L3MBTL3: variants seen among roughly 807,000 people sequenced by gnomAD.
L3MBTL3 encodes the protein L3MBTL histone methyl-lysine binding protein 3, also known as lethal(3)malignant brain tumor-like protein 3.
A neutral mutation model predicts 102.3 loss-of-function variants in L3MBTL3; 27 were observed. The observed-to-expected ratio is 0.26, with a 90% CI of 0.19 to 0.36. The LOEUF is 0.36. Ranked by LOEUF, L3MBTL3 falls within the 10% of genes least tolerant of loss-of-function variation. The pLI is 1.00. For missense variants in L3MBTL3, 798 were observed against 955.3 expected (o/e 0.84, Z 2.17); for synonymous variants, 340 against 320.9 (o/e 1.06, Z -0.64).
intron 16 of L3MBTL3, among the ~76,000 whole-genome samples, chr6:130,089,207 C>CT (rs1419578270): frequency 6.6e-6 from 1 of 151,590 alleles, no homozygotes; most frequent in African/African-American, 2.4e-5. Flanking sequence ...CTAATGCTAT[C>CT]CCTCCCCCTG....
chr6:130,104,545 C>G lies in L3MBTL3; in HGVS notation c.1856C>G (p.Ala619Gly). The change falls in exon 19 of 23, where the codon GCA becomes GGA. Residue 619 changes from alanine (A) to glycine (G), a missense_variant. Ala to Gly is a moderately conservative substitution (Grantham distance 60). Around this residue, in one of 4 missense-constraint regions of L3MBTL3, gnomAD observed 306 missense variants for 314.4 expected, o/e 0.97. Transcript: ENST00000361794. ...TTTCCAAGAAATAAAAGGACAGATG[C>G]AAATGAAAGCTCTTCTTCCCCTGAA... ...PSFPRNKRTD[A>G]NESSSSPEIR... The G allele has an allele frequency of 1.9e-6, 3 of 1,583,684 alleles. No individual in the cohort carries two copies. The highest frequency in any genetic ancestry group is 2.6e-6 in the Non-Finnish European group (3 of 1,167,636).
intron 2 of L3MBTL3, among the ~76,000 whole-genome samples, chr6:130,032,097 A>G (rs1026197791): frequency 1.3e-5 from 2 of 151,836 alleles, no homozygotes; most frequent in African/African-American, 4.8e-5. Flanking sequence ...ATTTTCTTGT[A>G]GGTGTGGGGT....
chr6:130,140,988 C>G lies in L3MBTL3; in HGVS notation c.*1235C>G, dbSNP rs1212323179. 6.6e-6 allele frequency: 1 copy of G among 152,538 alleles called. No homozygotes were observed. Among genetic ancestry groups the G allele is most frequent in the African/African-American group, 2.4e-5 (1 of 41,430 alleles). 9.4% of individuals were successfully genotyped at this position (152,538 alleles called of 1,614,324 possible). Reference sequence around the variant, plus strand: ...ATACAGATGCACTTTAAATGAAAACCCTTGATTATAAATTGATAGCTGGTA... The same window carrying G: ...ATACAGATGCACTTTAAATGAAAACGCTTGATTATAAATTGATAGCTGGTA... On this transcript the variant is annotated 3_prime_UTR_variant, in exon 23 of 23. Coordinates refer to ENST00000361794, the MANE Select transcript of L3MBTL3 (RefSeq NM_032438.4).
intron 18 of L3MBTL3, 56 bp downstream of exon 18, chr6:130,094,423 A>G (rs1582551715): frequency 8.9e-7 from 1 of 1,118,768 alleles, no homozygotes; most frequent in East Asian, 2.5e-5. Flanking sequence ...ATACATGTAT[A>G]TATAATGAAT....
At chr6:130,108,656 G>T (rs1785152532) in intron 19 of L3MBTL3, among the ~76,000 whole-genome samples, 2 of 151,190 alleles carry the variant, frequency 1.3e-5, no homozygotes, top group South Asian at 4.2e-4. Context: ...TTTTTTTGGT[G>T]GGGGGAGGAT....
intron 15 of L3MBTL3, 78 bp from the exon 16 acceptor site, chr6:130,086,062 T>C: frequency 9.8e-7 from 1 of 1,025,638 alleles, no homozygotes; most frequent in Non-Finnish European, 1.5e-6. Context: ...CAGCTTTTTC[T>C]TCTTCTTCTT....
At chr6:130,052,107 T>C (rs1188150901) in intron 6 of L3MBTL3, among the ~76,000 whole-genome samples, 1 of 151,832 alleles carries the variant, frequency 6.6e-6, no homozygotes, top group Non-Finnish European at 1.5e-5. Context: ...AATGTTTTCT[T>C]TTTCTTTTTT....
At chr6:130,093,060 G>A (rs1297716704) in intron 17 of L3MBTL3, among the ~76,000 whole-genome samples, 1 of 152,132 alleles carries the variant, frequency 6.6e-6, no homozygotes, top group Non-Finnish European at 1.5e-5. Context: ...AAAAAGTAAA[G>A]CGTGTATAGA....
chr6:130,124,867 G>A (rs1786489281), intron 20 of L3MBTL3, among the ~76,000 whole-genome samples: 1 of 152,114 alleles, frequency 6.6e-6, no homozygotes, highest in African/African-American at 2.4e-5. Context: ...CTACTCGGGA[G>A]GCTGAGGCAG....
chr6:130,023,826 G>A lies in L3MBTL3; in HGVS notation c.-16+1521G>A, dbSNP rs147436831. Among the ~76,000 whole-genome samples, 251 of 152,276 alleles carry A rather than the reference G, an allele frequency of 1.6e-3. 1 individual carries two copies. The highest frequency in any genetic ancestry group is 5.7e-3 in the African/African-American group (235 of 41,546). On this transcript the variant is annotated intron_variant, in intron 2 of 22. Coordinates refer to ENST00000361794, the MANE Select transcript of L3MBTL3 (RefSeq NM_032438.4). ...GGCTAAAACTTTTAGATTGGTTTCT[G>A]ATGTGTGTATTGTATGGACTTCTCG... is the stretch of plus-strand genomic sequence containing the variant.
intron 9 of L3MBTL3, 67 bp from the exon 10 acceptor site, chr6:130,059,969 A>T: frequency 1.3e-6 from 1 of 793,226 alleles, no homozygotes; most frequent in Non-Finnish European, 2.1e-6. Context: ...TTAAAATGGT[A>T]ACTATTTACA....
At chr6:130,082,965 T>C (rs1783459883) in intron 14 of L3MBTL3, among the ~76,000 whole-genome samples, 2 of 152,212 alleles carry the variant, frequency 1.3e-5, no homozygotes, top group South Asian at 4.1e-4. Context: ...CTCAGTCCCC[T>C]TTATGTGGCT....
In L3MBTL3 at chr6:130,049,567, T is replaced by G. The variant is rs562328134; in HGVS notation, c.214+174T>G. 1.8e-5 allele frequency: 13 copies of G among 706,200 alleles called. No homozygotes were observed. The Admixed American group carries it at 3.6e-4, about 20-fold the overall frequency. 43.7% of individuals were successfully genotyped at this position (706,200 alleles called of 1,614,324 possible). ...AGGAGCCAGCATTTATGTTTTAAAATAACTATAAACTGTCTTCTTTGTCCT... is the reference window on the plus strand; with the variant it reads ...AGGAGCCAGCATTTATGTTTTAAAAGAACTATAAACTGTCTTCTTTGTCCT... On this transcript the variant is annotated intron_variant, in intron 4 of 22. Transcript: ENST00000361794.
chr6:130,047,072 AG>A (rs1780769220), intron 3 of L3MBTL3, among the ~76,000 whole-genome samples: 1 of 152,206 alleles, frequency 6.6e-6, no homozygotes, highest in Non-Finnish European at 1.5e-5. Flanking sequence ...TTAATTTTTG[AG>A]ATAAGCAACT....
At chr6:130,123,399 G>C (rs181864866) in intron 20 of L3MBTL3, among the ~76,000 whole-genome samples, 3 of 151,950 alleles carry the variant, frequency 2.0e-5, no homozygotes, top group Non-Finnish European at 4.4e-5. Flanking sequence ...GTAGTTCAAT[G>C]TGCATGTTTT....
chr6:130,035,758 T>TTA (rs1455872731), intron 2 of L3MBTL3, among the ~76,000 whole-genome samples: 4 of 152,134 alleles, frequency 2.6e-5, no homozygotes, highest in Admixed American at 1.3e-4. Flanking sequence ...AACTTACCTC[T>TTA]TATGACATTA....
intron 10 of L3MBTL3, among the ~76,000 whole-genome samples, 195 bp from the exon 11 acceptor site, chr6:130,066,158 C>T (rs1467837979): frequency 2.0e-5 from 3 of 152,116 alleles, no homozygotes; most frequent in African/African-American, 4.8e-5. Context: ...CACAGCTCAG[C>T]TCTTCCCACT....
chr6:130,092,056 C>T (rs1784084176), intron 16 of L3MBTL3, among the ~76,000 whole-genome samples: 1 of 151,762 alleles, frequency 6.6e-6, no homozygotes, highest in Admixed American at 6.6e-5. Context: ...GATGGATACC[C>T]CAGTTACCCT....
In L3MBTL3 at chr6:130,070,992, G is replaced by T. The variant is rs1283788664; in HGVS notation, c.1109G>T (p.Gly370Val). Residue 370 changes from glycine to valine, a missense_variant, in exon 13 of 23, where the codon GGC (glycine) becomes GTC (valine). Gly to Val is a moderately radical substitution (Grantham distance 109). Around this residue, in one of 4 missense-constraint regions of L3MBTL3, gnomAD observed 434 missense variants for 506.6 expected, o/e 0.86. Transcript: ENST00000361794. ...TTTCCATAGACAGTGATCCCATCGG[G>T]CTTTCGAGTTGGTATGAAGCTTGAG... Reference protein sequence around the residue: ...ENQNITVIPSGFRVGMKLEAV... With the variant: ...ENQNITVIPSVFRVGMKLEAV... 6.2e-7 allele frequency: 1 copy of T among 1,612,936 alleles called. No homozygotes were observed. Among genetic ancestry groups the T allele is most frequent in the Admixed American group, 1.7e-5 (1 of 59,930 alleles).
Sources: gnomAD v4.1 joint callset for allele counts (sites outside exome capture counted in the v4.1 genomes callset) on GRCh38, gnomAD v4.1.1 for gene constraint, gnomAD v4.1.1 regional missense constraint, MANE v1.5 for transcripts, NCBI Gene and HGNC (gene_info 2026-07-23, HGNC 2026-07-21) for gene names.